Variants in ADGRV1 observed in about 807,000 individuals in gnomAD.
ADGRV1 encodes the protein G-protein coupled receptor 98.
In ADGRV1, 359 loss-of-function variants were observed where a neutral mutation model predicts 596.2. The observed-to-expected ratio is 0.60, with a 90% CI of 0.55 to 0.66. The LOEUF (loss-of-function observed/expected upper bound fraction) is 0.66. Ranked by LOEUF, ADGRV1 falls within the 30% of genes least tolerant of loss-of-function variation. The probability of loss-of-function intolerance (pLI) is 0.00; values close to 1 mark genes in which losing one functional copy is unlikely to be tolerated. For missense variants in ADGRV1, 7,274 were observed against 7,575.6 expected (o/e 0.96, Z 1.48); for synonymous variants, 2,681 against 2,679.2 (o/e 1.00, Z -0.02).
intron 78 of ADGRV1, among the ~76,000 whole-genome samples, chr5:90,844,006 GTT>G (rs1461879867): frequency 6.6e-6 from 1 of 152,122 alleles, no homozygotes; most frequent in Non-Finnish European, 1.5e-5. Flanking sequence ...GCTCAGTTAA[GTT>G]TGAATTTCAG....
At chr5:90,571,439 T>C (rs1342784112) in intron 1 of ADGRV1, among the ~76,000 whole-genome samples, 1 of 152,152 alleles carries the variant, frequency 6.6e-6, no homozygotes, top group Non-Finnish European at 1.5e-5. Context: ...TAGGAATATG[T>C]CAGAAATTTT....
chr5:90,942,549 T>C (rs1386330866), intron 83 of ADGRV1, among the ~76,000 whole-genome samples: 1 of 152,120 alleles, frequency 6.6e-6, no homozygotes, highest in African/African-American at 2.4e-5. Context: ...AAAGTTAATC[T>C]TTTTCTAGAT....
chr5:90,833,698 T>C (rs1764712347), intron 77 of ADGRV1, among the ~76,000 whole-genome samples: 1 of 152,198 alleles, frequency 6.6e-6, no homozygotes, highest in Non-Finnish European at 1.5e-5. Flanking sequence ...TTCCATATGG[T>C]TCACTGTCGG....
chr5:90,608,908 C>T (rs145968138), intron 1 of ADGRV1, among the ~76,000 whole-genome samples: 1 of 152,166 alleles, frequency 6.6e-6, no homozygotes, highest in African/African-American at 2.4e-5. Context: ...ATAATTGTGT[C>T]AACTATTCCC....
At chr5:90,829,673 A>C (rs1430685671) in intron 77 of ADGRV1, among the ~76,000 whole-genome samples, 4 of 152,170 alleles carry the variant, frequency 2.6e-5, no homozygotes, top group Non-Finnish European at 4.4e-5. Context: ...CATCAGATAA[A>C]AGACAGGGAG....
In ADGRV1 at chr5:90,810,934, C is replaced by T. The variant is rs1762384621; in HGVS notation, c.15674C>T (p.Ser5225Phe). 4 of 1,613,956 alleles carry T rather than the reference C, an allele frequency of 2.5e-6. No homozygotes were observed. The highest frequency in any genetic ancestry group is 3.4e-6 in the Non-Finnish European group (4 of 1,179,892). ...CATGGAACATTCAGCCTTGGGCCATCCATTGTTTATATTGAAGAGGAGATG... is the reference window on the plus strand; with the variant it reads ...CATGGAACATTCAGCCTTGGGCCATTCATTGTTTATATTGAAGAGGAGATG... Reference protein sequence around the residue: ...SIHGTFSLGPSIVYIEEEMKN... With the variant: ...SIHGTFSLGPFIVYIEEEMKN... The change falls in exon 74 of 90, where the codon TCC becomes TTC. Residue 5225 changes from serine to phenylalanine, a missense_variant. Ser to Phe is a radical substitution (Grantham distance 155, BLOSUM62 -2). Transcript: ENST00000405460.
intron 29 of ADGRV1, 25 bp from the exon 30 acceptor site, chr5:90,689,836 A>C: frequency 6.5e-7 from 1 of 1,535,392 alleles, no homozygotes; most frequent in African/African-American, 1.4e-5. Flanking sequence ...TAGAAGTCTT[A>C]ACATTTTACT....
intron 1 of ADGRV1, among the ~76,000 whole-genome samples, chr5:90,603,490 T>C (rs1334136681): frequency 6.6e-6 from 1 of 152,132 alleles, no homozygotes; most frequent in Non-Finnish European, 1.5e-5. Flanking sequence ...GCCTAGAAAC[T>C]GGCACTTCAT....
intron 84 of ADGRV1, among the ~76,000 whole-genome samples, chr5:90,973,544 A>G (rs1042870125): frequency 1.3e-5 from 2 of 152,228 alleles, no homozygotes; most frequent in Non-Finnish European, 2.9e-5. Flanking sequence ...AGGCTGGTTC[A>G]ACATATGCAA....
At chr5:90,887,098 C>T (rs970892309) in intron 83 of ADGRV1, among the ~76,000 whole-genome samples, 6 of 152,144 alleles carry the variant, frequency 3.9e-5, no homozygotes, top group African/African-American at 1.4e-4. Flanking sequence ...CACTGCTCTT[C>T]AAGATCAATT....
rs1387886052 is a variant in ADGRV1, at chr5:90,763,299, T to A, written c.12121-6T>A. The A allele has an allele frequency of 6.5e-7, 1 of 1,527,222 alleles. No individual in the cohort carries two copies. The allele number at this position is 1,527,222 out of a possible 1,614,324, so 94.6% of individuals were successfully genotyped here. A position where few individuals can be genotyped will look rare whatever the true frequency, so the allele number is the denominator to read the frequency against. On this transcript the variant is annotated splice_region_variant and splice_polypyrimidine_tract_variant and intron_variant, in intron 58 of 89. Coordinates refer to ENST00000405460, the MANE Select transcript of ADGRV1 (RefSeq NM_032119.4). ...TGTTTGGCCTTACTGAATTTTCTTC[T>A]TTCAGGTAATGATTGATGAATCCCT... is the stretch of plus-strand genomic sequence containing the variant.
intron 37 of ADGRV1, among the ~76,000 whole-genome samples, 187 bp from the exon 38 acceptor site, chr5:90,706,044 T>C (rs1263228804): frequency 6.6e-6 from 1 of 152,058 alleles, no homozygotes; most frequent in African/African-American, 2.4e-5. Context: ...GGAAATATGC[T>C]TTTCCCACAG....
intron 1 of ADGRV1, among the ~76,000 whole-genome samples, chr5:90,590,349 A>C (rs1759322529): frequency 6.6e-6 from 1 of 152,154 alleles, no homozygotes. Context: ...TTACTGCTTA[A>C]TCATTCATGT....
At position 90,810,405 on chromosome 5, in the gene ADGRV1, G is replaced by T; in HGVS notation, c.15145G>T (p.Ala5049Ser). The part of the protein sequence containing the change: ...KVSYQTTAGS[A>S]KPLEDFEPVQ... Reference sequence around the variant, plus strand: ...TTCTTATCAGACCACTGCAGGAAGCGCCAAGCCACTGGAAGATTTTGAGCC... The same window carrying T: ...TTCTTATCAGACCACTGCAGGAAGCTCCAAGCCACTGGAAGATTTTGAGCC... Residue 5049 changes from alanine (A) to serine (S), a missense_variant, in exon 74 of 90, where the codon GCC becomes TCC. This residue lies in a region of ADGRV1 where 1,874 missense variants were observed against 1,970.2 expected (regional missense o/e 0.95). Coordinates refer to ENST00000405460, the MANE Select transcript of ADGRV1 (RefSeq NM_032119.4). The T allele has an allele frequency of 1.2e-6, 2 of 1,613,640 alleles. No homozygotes were observed. The highest frequency in any genetic ancestry group is 1.7e-6 in the Non-Finnish European group (2 of 1,179,742).
chr5:90,977,021 G>A (rs975229287), intron 84 of ADGRV1, among the ~76,000 whole-genome samples: 7 of 152,282 alleles, frequency 4.6e-5, no homozygotes, highest in Non-Finnish European at 5.9e-5. Flanking sequence ...AAATGTGCGT[G>A]TTATTTATTC....
chr5:90,755,225 A>C (rs1561664354), intron 55 of ADGRV1, 40 bp downstream of exon 55: 1 of 1,354,710 alleles, frequency 7.4e-7, no homozygotes, highest in Non-Finnish European at 1.0e-6. Flanking sequence ...AAAATAGAGG[A>C]AAATTCTCTT....
intron 52 of ADGRV1, among the ~76,000 whole-genome samples, chr5:90,750,097 G>A (rs1189995272): frequency 2.0e-5 from 3 of 152,130 alleles, no homozygotes; most frequent in Non-Finnish European, 4.4e-5. Context: ...TATAGGTCAA[G>A]CTCTTCTTTT....
At chr5:91,016,959 T>A (rs1024290534) in intron 85 of ADGRV1, among the ~76,000 whole-genome samples, 1 of 151,896 alleles carries the variant, frequency 6.6e-6, no homozygotes, top group African/African-American at 2.4e-5. Context: ...GTAATATGAT[T>A]GGAAGACGTA....
At chr5:90,980,213 C>T (rs1779972560) in intron 84 of ADGRV1, among the ~76,000 whole-genome samples, 1 of 152,084 alleles carries the variant, frequency 6.6e-6, no homozygotes, top group African/African-American at 2.4e-5. Flanking sequence ...CTCTAATATA[C>T]TAATGTTTAG....
Sources: gnomAD v4.1 joint callset for allele counts (sites outside exome capture counted in the v4.1 genomes callset) on GRCh38, gnomAD v4.1.1 for gene constraint, gnomAD v4.1.1 regional missense constraint, MANE v1.5 for transcripts, NCBI Gene and HGNC (gene_info 2026-07-23, HGNC 2026-07-21) for gene names.